NBPF20: variants seen among roughly 807,000 people sequenced by gnomAD.
NBPF20 encodes NBPF family member NBPF20.
Under a neutral mutation model 68.1 loss-of-function variants are expected in NBPF20, and 90 were observed. The ratio of observed to expected loss-of-function variants is 1.32; its 90% CI spans 1.11 to 1.58. The LOEUF (loss-of-function observed/expected upper bound fraction) is 1.58. NBPF20 is among the 40% of genes most tolerant of loss of function. The pLI is 0.00. For synonymous variants in NBPF20, 290 were observed against 228.1 expected (o/e 1.27, Z -2.45); for missense variants, 816 against 601.2 (o/e 1.36, Z -3.74).
At chr1:145,421,875 C>CA in the NBPF20 span, among the ~76,000 whole-genome samples, 13 of 151,874 alleles carry the variant, frequency 8.6e-5, no homozygotes, top group Non-Finnish European at 1.8e-4. Context: ...ACCCTGTCTA[C>CA]AAAAAATAGA....
chr1:145,407,367 G>A (rs1343472420), upstream of NBPF20, among the ~76,000 whole-genome samples: 1 of 138,852 alleles, frequency 7.2e-6, no homozygotes, highest in East Asian at 2.1e-4. Flanking sequence ...CATGGCACAC[G>A]TATATATATA....
At chr1:145,291,878 A>C (rs1486148304) in intron 137 of NBPF20, 109 bp from the exon 143 acceptor site, 3 of 1,595,812 alleles carry the variant, frequency 1.9e-6, no homozygotes, top group Admixed American at 1.8e-5. Flanking sequence ...GAAAAAGGAT[A>C]GATCCATTAA....
chr1:145,291,811 C>A (rs782083282), intron 137 of NBPF20, 42 bp from the exon 143 acceptor site: 21 of 1,611,654 alleles, frequency 1.3e-5, no homozygotes, highest in South Asian at 3.3e-5. Flanking sequence ...CAGGGAAAAT[C>A]AGAAACCACA....
chr1:145,402,649 G>C (rs3977233), intron 3 of NBPF20, among the ~76,000 whole-genome samples: 4 of 150,512 alleles, frequency 2.7e-5, no homozygotes, highest in African/African-American at 9.8e-5. Flanking sequence ...TCCTAATTCC[G>C]TTTCAAAAAG....
chr1:145,424,261 C>T, the NBPF20 span, among the ~76,000 whole-genome samples: 1 of 150,444 alleles, frequency 6.6e-6, no homozygotes, highest in African/African-American at 2.5e-5. Context: ...CAGGTGTGAT[C>T]TACCGCGCCC....
At chr1:145,403,367 C>T (rs2101583199) in intron 2 of NBPF20, 49 bp from the exon 8 acceptor site, 1 of 1,460,076 alleles carries the variant, frequency 6.8e-7, no homozygotes, top group East Asian at 2.3e-5. Context: ...GGACATGCTG[C>T]TGTGGTCATT....
chr1:145,393,530 A>T (rs1275456965), intron 9 of NBPF20, among the ~76,000 whole-genome samples: 7 of 151,890 alleles, frequency 4.6e-5, no homozygotes, highest in Non-Finnish European at 8.8e-5. Context: ...CACACTGATG[A>T]GGGAGTCAAA....
At chr1:145,425,274 C>T in the NBPF20 span, among the ~76,000 whole-genome samples, 1 of 143,228 alleles carries the variant, frequency 7.0e-6, no homozygotes, top group African/African-American at 2.5e-5. Flanking sequence ...ACAAAGCTTG[C>T]GACAGCCGCA....
At chr1:145,415,272 T>G in the NBPF20 span, among the ~76,000 whole-genome samples, 1 of 151,970 alleles carries the variant, frequency 6.6e-6, no homozygotes, top group Admixed American at 6.6e-5. Context: ...TAAGGCGGTT[T>G]TCTCCTATCT....
rs782677484 is a variant in NBPF20, at chr1:145,292,414, T to A, written c.16664A>T (p.Glu5555Val). The stretch of plus-strand genomic sequence containing the variant: ...TGGTGGGTTTTGATCTTCTTCCCCT[T>A]CTTTTCTTCCCCTTCTTCTTTTCTT... The change falls in exon 137 of 138, where the codon GAA becomes GTA. Residue 5555 changes from glutamate (E) to valine (V), a missense_variant. Coordinates refer to ENST00000369373, the Ensembl canonical transcript of NBPF20. 40 of 692,686 alleles carry A rather than the reference T, an allele frequency of 5.8e-5. No individual in the cohort carries two copies. The Admixed American group carries it at 8.0e-4, about 14-fold the overall frequency. 42.9% of individuals were successfully genotyped at this position (692,686 alleles called of 1,614,324 possible). A position where few individuals can be genotyped will look rare whatever the true frequency, so the allele number is the denominator to read the frequency against.
At chr1:145,422,623 A>C in the NBPF20 span, among the ~76,000 whole-genome samples, 1 of 152,030 alleles carries the variant, frequency 6.6e-6, no homozygotes, top group Non-Finnish European at 1.5e-5. Flanking sequence ...AAAAGTGCCA[A>C]ACAGTGCAGA....
chr1:145,411,558 T>A, the NBPF20 span, among the ~76,000 whole-genome samples: 1 of 80,306 alleles, frequency 1.2e-5, no homozygotes, highest in African/African-American at 5.1e-5. Context: ...GCCTAGCTAA[T>A]TTTTTGTATT....
chr1:145,394,705 G>A (rs1202845631), intron 8 of NBPF20, among the ~76,000 whole-genome samples: 1 of 151,966 alleles, frequency 6.6e-6, no homozygotes. Flanking sequence ...TTTGGTGTGA[G>A]TTTGCCACAC....
chr1:145,415,303 C>G, the NBPF20 span, among the ~76,000 whole-genome samples: 1 of 151,726 alleles, frequency 6.6e-6, no homozygotes, highest in Non-Finnish European at 1.5e-5. Context: ...AATATACAAT[C>G]GGGCTTTACA....
At chr1:145,410,550 T>G (rs1662965824), upstream of NBPF20, among the ~76,000 whole-genome samples, 1 of 150,708 alleles carries the variant, frequency 6.6e-6, no homozygotes, top group African/African-American at 2.4e-5. Flanking sequence ...CCTGACCTCG[T>G]GATCCGCCCG....
At chr1:145,298,385 C>CAG (rs1661344073) in intron 129 of NBPF20, among the ~76,000 whole-genome samples, 5 of 144,050 alleles carry the variant, frequency 3.5e-5, no homozygotes, top group African/African-American at 1.4e-4. Flanking sequence ...CACACACACA[C>CAG]ACAGAGAGAG....
chr1:145,292,293 C>T lies in NBPF20; in HGVS notation c.16697+88G>A, dbSNP rs1251839772. 2.1e-5 allele frequency: 13 copies of T among 612,388 alleles called. 1 individual carries two copies. In the African/African-American group the frequency reaches 2.5e-4, roughly 12 times the overall value. The allele number at this position is 612,388 out of a possible 1,614,324, so 37.9% of individuals were successfully genotyped here. A position where few individuals can be genotyped will look rare whatever the true frequency, so the allele number is the denominator to read the frequency against. On this transcript the variant is annotated intron_variant, in intron 137 of 137. Coordinates refer to ENST00000369373, the Ensembl canonical transcript of NBPF20. Reference sequence around the variant, plus strand: ...GGAGTAATTCAGCCTTCGTTGAAAACATGACATCAAACACACTCTGGTTTC... The same window carrying T: ...GGAGTAATTCAGCCTTCGTTGAAAATATGACATCAAACACACTCTGGTTTC...
intron 9 of NBPF20, among the ~76,000 whole-genome samples, chr1:145,393,458 A>AACACACACACACACACACAAACAC (rs1553662681): frequency 1.4e-4 from 21 of 145,158 alleles, no homozygotes; most frequent in Non-Finnish European, 3.0e-4. Context: ...CACACACACA[A>AACACACACACACACACACAAACAC]ACACACACAC....
chr1:145,398,805 TCAA>T (rs1262462518), intron 7 of NBPF20, among the ~76,000 whole-genome samples: 94 of 151,182 alleles, frequency 6.2e-4, no homozygotes, highest in Non-Finnish European at 1.2e-3. Context: ...TTTGAAAAGA[TCAA>T]CAAGAAAACC....
Sources: allele counts gnomAD v4.1 joint callset (sites outside exome capture counted in the v4.1 genomes callset), GRCh38; gene constraint gnomAD v4.1.1; transcripts MANE v1.5; gene names NCBI Gene and HGNC (gene_info 2026-07-23, HGNC 2026-07-21).